Variants in PTPRQ observed in about 807,000 individuals in gnomAD.
The protein encoded by PTPRQ is phosphatidylinositol phosphatase PTPRQ.
Under a neutral mutation model 246.0 loss-of-function variants are expected in PTPRQ, and 199 were observed. The ratio of observed to expected loss-of-function variants is 0.81; its 90% CI spans 0.72 to 0.91. The LOEUF (loss-of-function observed/expected upper bound fraction) is 0.91, where lower values mean the gene tolerates loss of function less well. Among genes scored for constraint, PTPRQ ranks in the 40% least tolerant of loss-of-function variants. PTPRQ has a pLI of 0.00. For synonymous variants in PTPRQ, 869 were observed against 853.2 expected (o/e 1.02, Z -0.32); for missense variants, 2,624 against 2,528.4 (o/e 1.04, Z -0.81).
intron 5 of PTPRQ, among the ~76,000 whole-genome samples, chr12:80,460,347 C>A (rs1893118137): frequency 6.6e-6 from 1 of 152,146 alleles, no homozygotes; most frequent in South Asian, 2.1e-4. Context: ...CTCTTTGGCT[C>A]TTGCACTGTT....
intron 38 of PTPRQ, among the ~76,000 whole-genome samples, chr12:80,654,228 G>A (rs1362511061): frequency 6.6e-6 from 1 of 152,068 alleles, no homozygotes; most frequent in African/African-American, 2.4e-5. Flanking sequence ...CCAAGTAGCT[G>A]GGATTACAGG....
intron 25 of PTPRQ, among the ~76,000 whole-genome samples, chr12:80,577,490 T>C (rs1897307352): frequency 6.6e-6 from 1 of 152,160 alleles, no homozygotes; most frequent in African/African-American, 2.4e-5. Context: ...ATGGGGATTA[T>C]GGGAACTACA....
Position 80,600,463 on chromosome 12 carries a change from C to G in PTPRQ, c.4610-4596C>G, listed in dbSNP as rs1003749208. Among the ~76,000 whole-genome samples the G allele has an allele frequency of 2.0e-5, 3 of 151,564 alleles. No individual in the cohort carries two copies. The East Asian group carries it at 5.9e-4, about 30-fold the overall frequency. ...TTGCACTTTGTCCTCAAATGAGACC[C>G]GAAGAAGCCATTATAGAGCAGAGAT... On this transcript the variant is annotated intron_variant, in intron 26 of 44. Transcript: ENST00000644991.
At chr12:80,511,724 G>A (rs1052224666) in intron 17 of PTPRQ, among the ~76,000 whole-genome samples, 1 of 152,098 alleles carries the variant, frequency 6.6e-6, no homozygotes, top group Non-Finnish European at 1.5e-5. Flanking sequence ...CAAGAAGGAG[G>A]GAATACCAAC....
chr12:80,643,271 C>A (rs1179012078), intron 35 of PTPRQ, among the ~76,000 whole-genome samples: 1 of 151,978 alleles, frequency 6.6e-6, no homozygotes, highest in African/African-American at 2.4e-5. Context: ...AATCCCGTCT[C>A]TACTAAAAGT....
intron 35 of PTPRQ, among the ~76,000 whole-genome samples, chr12:80,637,310 G>A (rs532198766): frequency 2.0e-5 from 3 of 152,148 alleles, no homozygotes; most frequent in Admixed American, 1.3e-4. Flanking sequence ...ATAATTCAGG[G>A]TCTACTTTAT....
chr12:80,469,094 G>A (rs1371542199), intron 7 of PTPRQ, among the ~76,000 whole-genome samples: 5 of 152,058 alleles, frequency 3.3e-5, no homozygotes, highest in African/African-American at 9.7e-5. Context: ...AACTCCTCAA[G>A]AAAAAAGTGT....
At chr12:80,585,521 G>A (rs1414086988) in intron 25 of PTPRQ, among the ~76,000 whole-genome samples, 2 of 152,084 alleles carry the variant, frequency 1.3e-5, no homozygotes, top group African/African-American at 4.8e-5. Flanking sequence ...GAGAGAGCCT[G>A]CCACTTCTCT....
At chr12:80,581,753 G>A (rs1192264881) in intron 25 of PTPRQ, among the ~76,000 whole-genome samples, 2 of 151,730 alleles carry the variant, frequency 1.3e-5, no homozygotes, top group Admixed American at 1.3e-4. Context: ...TATATTAAAG[G>A]CTTAAATAAA....
At chr12:80,647,217 A>C (rs927575135) in intron 35 of PTPRQ, among the ~76,000 whole-genome samples, 1 of 152,158 alleles carries the variant, frequency 6.6e-6, no homozygotes, top group Non-Finnish European at 1.5e-5. Flanking sequence ...TAAATCATAT[A>C]TATTGTGCTT....
chr12:80,632,231 C>T lies in PTPRQ; in HGVS notation c.5726C>T (p.Ser1909Phe), dbSNP rs1288542125. Residue 1909 changes from serine to phenylalanine, a missense_variant, in exon 34 of 45, where the codon TCC (serine) becomes TTC (phenylalanine). By Grantham distance (155) the Ser-to-Phe change is radical. Coordinates refer to ENST00000644991, the MANE Select transcript of PTPRQ (RefSeq NM_001145026.2). ...GAAAGAACCGTAGAGATCATTCTTT[C>T]CGTCACTTTGTGTATCCTTTCAATA... Reference protein sequence around the residue: ...LSERTVEIILSVTLCILSIIL... With the variant: ...LSERTVEIILFVTLCILSIIL... 37 of 1,551,326 alleles carry T rather than the reference C, an allele frequency of 2.4e-5. No individual in the cohort carries two copies. Among genetic ancestry groups the T allele is most frequent in the East Asian group, 1.7e-4 (7 of 40,884 alleles).
At chr12:80,598,221 C>T (rs2121056890) in intron 26 of PTPRQ, among the ~76,000 whole-genome samples, 1 of 152,028 alleles carries the variant, frequency 6.6e-6, no homozygotes, top group East Asian at 1.9e-4. Flanking sequence ...GCAGCACCAC[C>T]TTGCGGTTAG....
intron 9 of PTPRQ, among the ~76,000 whole-genome samples, chr12:80,486,007 A>G (rs1267993892): frequency 6.6e-6 from 1 of 152,168 alleles, no homozygotes; most frequent in Non-Finnish European, 1.5e-5. Context: ...GCTATATAGC[A>G]AGTGGTTAAG....
chr12:80,546,002 T>G (rs933374512), intron 23 of PTPRQ, among the ~76,000 whole-genome samples: 1 of 151,746 alleles, frequency 6.6e-6, no homozygotes, highest in Non-Finnish European at 1.5e-5. Context: ...ATCATGAAAA[T>G]AAAACACTCT....
At chr12:80,652,290 C>G (rs1900283856) in intron 37 of PTPRQ, among the ~76,000 whole-genome samples, 1 of 152,066 alleles carries the variant, frequency 6.6e-6, no homozygotes, top group Non-Finnish European at 1.5e-5. Flanking sequence ...CAGGAATTGA[C>G]CTCTGGCATC....
intron 39 of PTPRQ, among the ~76,000 whole-genome samples, chr12:80,666,809 G>A (rs1283229539): frequency 2.0e-5 from 3 of 149,112 alleles, no homozygotes; most frequent in African/African-American, 7.4e-5. Context: ...AAATCTATTA[G>A]CAAATTCAGT....
intron 25 of PTPRQ, among the ~76,000 whole-genome samples, chr12:80,558,159 T>TTTTCTTTTCTTTTCTTTTCTTTTCC (rs1896713119): frequency 7.8e-6 from 1 of 128,828 alleles, no homozygotes; most frequent in Non-Finnish European, 1.6e-5. Context: ...TTTTCTTTTC[T>TTTTCTTTTCTTTTCTTTTCTTTTCC]TTTCTTTTCT....
chr12:80,649,198 G>T (rs991497110), intron 36 of PTPRQ, among the ~76,000 whole-genome samples: 20 of 152,104 alleles, frequency 1.3e-4, no homozygotes, highest in Admixed American at 6.6e-5. Context: ...TTATGAGAAT[G>T]AGGTCACTGC....
intron 8 of PTPRQ, among the ~76,000 whole-genome samples, chr12:80,473,511 C>A (rs1893718603): frequency 1.3e-5 from 2 of 152,158 alleles, no homozygotes. Context: ...CTATTGATTT[C>A]TATTCTTGTT....
Sources: gnomAD v4.1 joint callset for allele counts (sites outside exome capture counted in the v4.1 genomes callset) on GRCh38, gnomAD v4.1.1 for gene constraint, MANE v1.5 for transcripts, NCBI Gene and HGNC (gene_info 2026-07-23, HGNC 2026-07-21) for gene names.